UMOD: variants seen among roughly 807,000 people sequenced by gnomAD.
UMOD encodes the protein uromodulin, also known as Tamm-Horsfall urinary glycoprotein.
UMOD carries 64 observed loss-of-function variants against 66.0 expected under a neutral mutation model. The ratio of observed to expected loss-of-function variants is 0.97; its 90% CI spans 0.79 to 1.19. The LOEUF is 1.19. UMOD is among the 50% of genes most tolerant of loss of function. UMOD has a pLI of 0.00. For synonymous variants in UMOD, 398 were observed against 352.7 expected (o/e 1.13, Z -1.44); for missense variants, 764 against 850.9 (o/e 0.90, Z 1.27).
In UMOD at chr16:20,346,227, G is replaced by T. The variant is rs369481974; in HGVS notation, c.1081C>A (p.Leu361Met). ...AAGCCCGAGCACCGGCTGTCACTCA[G>T]GTACATGAAGACCTTGTCGAAGCCC... ...SLGFDKVFMY[L>M]SDSRCSGFND... The change falls in exon 5 of 11, where the codon CTG becomes ATG. Residue 361 changes from leucine (L) to methionine (M), a missense_variant. Physicochemically the swap from Leu to Met is conservative, Grantham distance 15 (BLOSUM62 2). Coordinates refer to ENST00000396138, the MANE Select transcript of UMOD (RefSeq NM_003361.4). The T allele has an allele frequency of 1.5e-5, 25 of 1,614,138 alleles. No individual in the cohort carries two copies. The highest frequency in any genetic ancestry group is 1.9e-5 in the Non-Finnish European group (23 of 1,180,064).
chr16:20,352,451 A>C, intron 1 of UMOD: 1 of 378,486 alleles, frequency 2.6e-6, no homozygotes, highest in Middle Eastern at 6.7e-4. Context: ...GGCACATAAT[A>C]GGTGCATAAC....
At position 20,348,227 on chromosome 16, in the gene UMOD, G is replaced by A. The variant is rs1965691267; in HGVS notation, c.969C>T (p.Ile323=). ...WHCQCKQDFN[I]TDISLLEHRL... ...CTTCCTCCCCACTGGCCTCACCAGT[G>A]ATGTTGAAGTCCTGTTTGCACTGGC... Residue 323 remains isoleucine (I), a synonymous_variant, in exon 4 of 11, where the codon ATC becomes ATT. Transcript: ENST00000396138. The A allele has an allele frequency of 1.9e-6, 3 of 1,613,900 alleles. No individual in the cohort carries two copies. In the East Asian group the frequency reaches 6.7e-5, roughly 36 times the overall value.
Position 20,341,071 on chromosome 16 carries a change from T to A in UMOD, c.1577+20A>T, listed in dbSNP as rs148078324. ...TCTGAATTCTACCCATGAGTTCCCA[T>A]GTAGGAACCTTTGCCTTACCTGTCC... On this transcript the variant is annotated intron_variant, in intron 7 of 10. Coordinates refer to ENST00000396138, the MANE Select transcript of UMOD (RefSeq NM_003361.4). 798 of 1,612,028 alleles carry A rather than the reference T, an allele frequency of 5.0e-4. 5 individuals are homozygous for A. The African/African-American group carries it at 9.2e-3, about 19-fold the overall frequency.
chr16:20,346,316 T>C lies in UMOD; in HGVS notation c.992A>G (p.His331Arg). Residue 331 changes from histidine to arginine, a missense_variant, in exon 5 of 11, where the codon CAC (histidine) becomes CGC (arginine). His to Arg is a conservative substitution (Grantham distance 29). Transcript: ENST00000396138. ...FNITDISLLE[H>R]RLECGANDMK... ...GTCATTGGCCCCACATTCCAGCCTGTGCTCCAGGAGGGAGATATCTGAAAC... is the reference window on the plus strand; with the variant it reads ...GTCATTGGCCCCACATTCCAGCCTGCGCTCCAGGAGGGAGATATCTGAAAC... 1 of 1,614,242 alleles carries C rather than the reference T, an allele frequency of 6.2e-7. No individual in the cohort carries two copies. Among genetic ancestry groups the C allele is most frequent in the Non-Finnish European group, 8.5e-7 (1 of 1,180,050 alleles).
At chr16:20,354,345 C>T (rs769766492), upstream of UMOD, among the ~76,000 whole-genome samples, 2 of 152,172 alleles carry the variant, frequency 1.3e-5, no homozygotes, top group African/African-American at 4.8e-5. Flanking sequence ...ATTGACTCCT[C>T]TTCCCAAACA....
rs775230251 is a variant in UMOD, at chr16:20,341,106, A to G, written c.1562T>C (p.Phe521Ser). The change falls in exon 7 of 11, where the codon TTC (phenylalanine) becomes TCC (serine). Residue 521 changes from phenylalanine (F) to serine (S), a missense_variant. Phe to Ser is a radical substitution (Grantham distance 155, BLOSUM62 -2). Coordinates refer to ENST00000396138, the MANE Select transcript of UMOD (RefSeq NM_003361.4). ...TTTGCCTTACCTGTCCTGGATGATG[A>G]AGTACTTCAGGGGGTCCGTGGCATT... ...SSNATDPLKY[F>S]IIQDRCPHTR... The G allele has an allele frequency of 3.7e-6, 6 of 1,613,902 alleles. No homozygotes were observed. The highest frequency in any genetic ancestry group is 5.1e-6 in the Non-Finnish European group (6 of 1,179,998).
chr16:20,346,410 A>C, intron 4 of UMOD, 76 bp from the exon 5 acceptor site: 17 of 1,509,858 alleles, frequency 1.1e-5, no homozygotes, highest in Non-Finnish European at 1.5e-5. Flanking sequence ...GGCCAGGTCC[A>C]GCTGGCTGGG....
chr16:20,355,488 C>T (rs9933330), upstream of UMOD, among the ~76,000 whole-genome samples: 20,988 of 151,042 alleles, frequency 0.14, 1,781 homozygotes, highest in Middle Eastern at 0.18. Flanking sequence ...ACTGCAACCT[C>T]CACCTCCCAA....
upstream of UMOD, among the ~76,000 whole-genome samples, chr16:20,355,409 C>CTTTTTTTTTTT (rs71377648): frequency 7.2e-6 from 1 of 139,282 alleles, no homozygotes; most frequent in Non-Finnish European, 1.5e-5. Context: ...TTTTCTTCTT[C>CTTTTTTTTTTT]TTTTTTTTTT....
intron 8 of UMOD, 63 bp from the exon 9 acceptor site, chr16:20,336,790 G>C: frequency 6.7e-7 from 1 of 1,491,860 alleles, no homozygotes; most frequent in Non-Finnish European, 9.3e-7. Context: ...GTTCTGCCAC[G>C]TGGAGTGGAC....
intron 7 of UMOD, 128 bp from the exon 8 acceptor site, chr16:20,337,581 G>A (rs1964957673): frequency 9.1e-7 from 1 of 1,092,902 alleles, no homozygotes; most frequent in Non-Finnish European, 1.4e-6. Context: ...TAATCTCTGT[G>A]TACCTCAATT....
intron 4 of UMOD, 35 bp from the exon 5 acceptor site, chr16:20,346,369 C>A: frequency 3.1e-6 from 5 of 1,612,086 alleles, no homozygotes; most frequent in South Asian, 2.2e-5. Flanking sequence ...GGACGTGTGT[C>A]TATAGCTTGG....
chr16:20,334,512 G>A (rs1455434988), intron 10 of UMOD, among the ~76,000 whole-genome samples: 1 of 152,152 alleles, frequency 6.6e-6, no homozygotes, highest in African/African-American at 2.4e-5. Context: ...ACGTGACCTT[G>A]TGTGTGTGGG....
rs530757082 is a variant in UMOD, at chr16:20,346,833, C to T, written c.974-499G>A. Among the ~76,000 whole-genome samples, 24 of 151,248 alleles carry T rather than the reference C, an allele frequency of 1.6e-4. 1 individual carries two copies. Among genetic ancestry groups the T allele is most frequent in the South Asian group, 1.5e-3 (7 of 4,764 alleles). ...TGTATACATATGTAACAAACCTGCA[C>T]GTTGTGCACATGTACCCTAGAACGT... On this transcript the variant is annotated intron_variant, in intron 4 of 10. Transcript: ENST00000396138.
At chr16:20,334,032 C>CAAAAAAA (rs575596167) in intron 10 of UMOD, among the ~76,000 whole-genome samples, 1 of 57,090 alleles carries the variant, frequency 1.8e-5, no homozygotes, top group Non-Finnish European at 3.3e-5. Flanking sequence ...GATTCCATCT[C>CAAAAAAA]AAAAAAAAAA....
chr16:20,349,924 A>G (rs1965809235), intron 2 of UMOD: 1 of 1,508,008 alleles, frequency 6.6e-7, no homozygotes, highest in East Asian at 2.5e-5. Context: ...TTATTAAGCA[A>G]TTACTATATG....
chr16:20,346,293 C>G lies in UMOD; in HGVS notation c.1015G>C (p.Asp339His), dbSNP rs1306758476. The change falls in exon 5 of 11, where the codon GAC becomes CAC. Residue 339 changes from aspartate to histidine, a missense_variant. Coordinates refer to ENST00000396138, the MANE Select transcript of UMOD (RefSeq NM_003361.4). ...CACTTGCCCAGCGACACCTTCATGTCATTGGCCCCACATTCCAGCCTGTGC... is the reference window on the plus strand; with the variant it reads ...CACTTGCCCAGCGACACCTTCATGTGATTGGCCCCACATTCCAGCCTGTGC... ...LEHRLECGAN[D>H]MKVSLGKCQL... The G allele has an allele frequency of 6.2e-7, 1 of 1,614,280 alleles. No homozygotes were observed. Among genetic ancestry groups the G allele is most frequent in the Non-Finnish European group, 8.5e-7 (1 of 1,180,052 alleles).
upstream of UMOD, chr16:20,352,742 A>G: frequency 1.6e-6 from 2 of 1,231,610 alleles, no homozygotes; most frequent in Admixed American, 4.2e-5. Context: ...ATACTTATAT[A>G]TACACATTTG....
intron 5 of UMOD, 34 bp downstream of exon 5, chr16:20,346,092 G>T (rs1248342320): frequency 6.3e-7 from 1 of 1,587,696 alleles, no homozygotes; most frequent in East Asian, 2.2e-5. Flanking sequence ...ACCAGGCAGT[G>T]CTCTGGTTCT....
Sources: gnomAD v4.1 joint callset for allele counts (sites outside exome capture counted in the v4.1 genomes callset) on GRCh38, gnomAD v4.1.1 for gene constraint, MANE v1.5 for transcripts, NCBI Gene and HGNC (gene_info 2026-07-23, HGNC 2026-07-21) for gene names.